ADGRL2: variants seen among roughly 807,000 people sequenced by gnomAD.
ADGRL2 encodes the protein calcium-independent alpha-latrotoxin receptor 2.
In ADGRL2, 44 loss-of-function variants were observed where a neutral mutation model predicts 157.4. That is an observed-to-expected ratio of 0.28 (90% CI 0.22 to 0.36). ADGRL2 has a LOEUF of 0.36. Ranked by LOEUF, ADGRL2 falls within the 10% of genes least tolerant of loss-of-function variation. The pLI, the probability that ADGRL2 is intolerant of heterozygous loss-of-function variation, is 1.00. For missense variants in ADGRL2, 1,510 were observed against 1,768.9 expected (o/e 0.85, Z 2.63); for synonymous variants, 585 against 624.7 (o/e 0.94, Z 0.95).
At chr1:81,835,255 G>A (rs1176174544) in intron 1 of ADGRL2, among the ~76,000 whole-genome samples, 1 of 152,060 alleles carries the variant, frequency 6.6e-6, no homozygotes, top group Non-Finnish European at 1.5e-5. Context: ...GTGGTCCAAA[G>A]GCTGACTTAA....
chr1:81,512,248 TTTTC>T (rs2079093201), intron 2 of ADGRL2, among the ~76,000 whole-genome samples: 1 of 150,342 alleles, frequency 6.7e-6, no homozygotes, highest in Admixed American at 6.6e-5. Flanking sequence ...ACAGATTTCT[TTTTC>T]TTTCTTTCTT....
rs77684000 is a variant in ADGRL2, at chr1:81,785,737, G to A, written c.-101+23885G>A. Among the ~76,000 whole-genome samples the A allele has an allele frequency of 7.5e-3, 1,143 of 151,898 alleles. 17 individuals are homozygous for A. The highest frequency in any genetic ancestry group is 0.026 in the African/African-American group (1,079 of 41,424). On this transcript the variant is annotated intron_variant, in intron 2 of 20. Transcript: ENST00000359929. ...AGTGAGACCCCGTGTCTAAAAAAAC[G>A]ACAACAAAAAATCCTTCCAAAACCG...
Position 81,968,212 on chromosome 1 carries a change from AC to A in ADGRL2, c.2523+14del. On this transcript the variant is annotated intron_variant, in intron 14 of 23. Transcript: ENST00000686636. ...CAGGGAAATTGCAGTAAGTATTTGC[AC>A]TTCTAATTAGTAGCAGAGAAAAACC... is the stretch of plus-strand genomic sequence containing the variant. The A allele has an allele frequency of 6.2e-7, 1 of 1,604,268 alleles. No individual in the cohort carries two copies. Among genetic ancestry groups the A allele is most frequent in the Non-Finnish European group, 8.5e-7 (1 of 1,176,794 alleles).
intron 2 of ADGRL2, among the ~76,000 whole-genome samples, chr1:81,904,042 A>T (rs1255595690): frequency 6.6e-6 from 1 of 151,950 alleles, no homozygotes; most frequent in Non-Finnish European, 1.5e-5. Flanking sequence ...TGTTTTCACT[A>T]CCAAAGGAAA....
intron 1 of ADGRL2, among the ~76,000 whole-genome samples, chr1:81,803,200 C>A (rs1181021774): frequency 6.6e-6 from 1 of 152,040 alleles, no homozygotes; most frequent in East Asian, 2.0e-4. Flanking sequence ...GAAGGGGAGA[C>A]CCCCGCGCTG....
intron 1 of ADGRL2, among the ~76,000 whole-genome samples, chr1:81,833,720 A>G (rs1024787120): frequency 2.0e-5 from 3 of 152,198 alleles, no homozygotes; most frequent in African/African-American, 7.2e-5. Context: ...TGCAGCTAAT[A>G]AATGGAAGCA....
intron 2 of ADGRL2, among the ~76,000 whole-genome samples, chr1:81,503,775 G>C (rs1386838643): frequency 6.6e-6 from 1 of 152,312 alleles, no homozygotes; most frequent in South Asian, 2.1e-4. Flanking sequence ...TCGGGGCACA[G>C]TGTATCGACA....
At chr1:81,841,047 T>C (rs1031547959) in intron 2 of ADGRL2, among the ~76,000 whole-genome samples, 4 of 152,160 alleles carry the variant, frequency 2.6e-5, no homozygotes, top group Non-Finnish European at 5.9e-5. Context: ...ACATGAAGGC[T>C]TGCTCAAGTG....
intron 2 of ADGRL2, among the ~76,000 whole-genome samples, chr1:81,559,293 T>C (rs760154974): frequency 1.8e-4 from 28 of 152,192 alleles, no homozygotes; most frequent in Non-Finnish European, 3.2e-4. Context: ...AGGTATACTC[T>C]AATCTTGGTG....
At chr1:81,781,737 G>T (rs559836340) in intron 2 of ADGRL2, among the ~76,000 whole-genome samples, 34 of 152,254 alleles carry the variant, frequency 2.2e-4, no homozygotes, top group African/African-American at 7.5e-4. Flanking sequence ...AGCATATCTT[G>T]GCTTGATTTT....
intron 2 of ADGRL2, among the ~76,000 whole-genome samples, chr1:81,563,149 G>A (rs1160367426): frequency 1.3e-5 from 2 of 152,142 alleles, no homozygotes; most frequent in Admixed American, 1.3e-4. Flanking sequence ...TCAGAAATGT[G>A]ACAGAGGAAA....
At chr1:81,418,901 A>C (rs1557674907) in intron 1 of ADGRL2, among the ~76,000 whole-genome samples, 1 of 152,226 alleles carries the variant, frequency 6.6e-6, no homozygotes, top group Non-Finnish European at 1.5e-5. Flanking sequence ...TCCTTTTAAA[A>C]TGAAATCATG....
chr1:81,358,036 C>T (rs781677720), intron 1 of ADGRL2, among the ~76,000 whole-genome samples: 2 of 152,082 alleles, frequency 1.3e-5, no homozygotes, highest in African/African-American at 2.4e-5. Flanking sequence ...TCTTATAAGT[C>T]ATTATACACA....
At chr1:81,858,694 G>C (rs550566480) in intron 2 of ADGRL2, among the ~76,000 whole-genome samples, 1 of 152,070 alleles carries the variant, frequency 6.6e-6, no homozygotes, top group South Asian at 2.1e-4. Context: ...CAGGGACTGT[G>C]AAAATTTAGC....
chr1:81,609,875 C>A (rs2081505348), intron 3 of ADGRL2, among the ~76,000 whole-genome samples: 1 of 152,208 alleles, frequency 6.6e-6, no homozygotes, highest in South Asian at 2.1e-4. Flanking sequence ...GACACTTCCA[C>A]CTTGAATTTT....
chr1:81,597,440 A>C (rs1319187963), intron 3 of ADGRL2, among the ~76,000 whole-genome samples: 1 of 152,258 alleles, frequency 6.6e-6, no homozygotes, highest in African/African-American at 2.4e-5. Context: ...AAAGTTTAAA[A>C]AACACAATAG....
chr1:81,642,802 A>G (rs2082246264), intron 3 of ADGRL2, among the ~76,000 whole-genome samples: 5 of 152,198 alleles, frequency 3.3e-5, no homozygotes, highest in Admixed American at 2.6e-4. Flanking sequence ...TAATAATCAC[A>G]TGACATGAAC....
At chr1:81,669,042 A>G (rs2082812876) in intron 3 of ADGRL2, among the ~76,000 whole-genome samples, 1 of 152,006 alleles carries the variant, frequency 6.6e-6, no homozygotes, top group South Asian at 2.1e-4. Context: ...ACTGTCCATC[A>G]ATCTGGACTG....
At chr1:81,672,435 A>C (rs1003423400) in intron 3 of ADGRL2, among the ~76,000 whole-genome samples, 4 of 152,180 alleles carry the variant, frequency 2.6e-5, no homozygotes, top group African/African-American at 7.2e-5. Context: ...ACATCTTTAC[A>C]AGCTAAAAAA....
Sources: allele counts gnomAD v4.1 joint callset (sites outside exome capture counted in the v4.1 genomes callset), GRCh38; gene constraint gnomAD v4.1.1; transcripts MANE v1.5; gene names NCBI Gene and HGNC (gene_info 2026-07-23, HGNC 2026-07-21).